The following ANKS1A variants were observed in gnomAD, a reference collection of about 807,000 sequenced individuals.
ANKS1A encodes the protein ankyrin repeat and SAM domain-containing protein 1A.
A neutral mutation model predicts 120.3 loss-of-function variants in ANKS1A; 55 were observed. The ratio of observed to expected loss-of-function variants is 0.46; its 90% CI spans 0.37 to 0.57. ANKS1A has a LOEUF of 0.57. Among genes scored for constraint, ANKS1A ranks in the 20% least tolerant of loss-of-function variants. The pLI is 0.00. For synonymous variants in ANKS1A, 590 were observed against 604.7 expected (o/e 0.98, Z 0.36); for missense variants, 1,123 against 1,480.3 (o/e 0.76, Z 3.96).
At chr6:34,893,251 G>A (rs1420706403) in intron 1 of ANKS1A, among the ~76,000 whole-genome samples, 1 of 152,104 alleles carries the variant, frequency 6.6e-6, no homozygotes, top group Non-Finnish European at 1.5e-5. Flanking sequence ...CAGCACATAC[G>A]GTTTTGCTGT....
At chr6:34,895,970 T>G (rs1277754013) in intron 1 of ANKS1A, among the ~76,000 whole-genome samples, 3 of 151,740 alleles carry the variant, frequency 2.0e-5, no homozygotes, top group African/African-American at 7.3e-5. Context: ...TTCACTGTGT[T>G]GCCCAGGCTG....
intron 1 of ANKS1A, among the ~76,000 whole-genome samples, chr6:34,909,171 C>A (rs1041381570): frequency 2.6e-5 from 4 of 152,112 alleles, no homozygotes; most frequent in African/African-American, 9.7e-5. Context: ...CACCGTACAC[C>A]CATGTTCATG....
intron 11 of ANKS1A, among the ~76,000 whole-genome samples, chr6:35,051,843 A>T (rs1030988588): frequency 1.3e-5 from 2 of 152,266 alleles, no homozygotes; most frequent in African/African-American, 4.8e-5. Flanking sequence ...AACTTTAAAA[A>T]TAGGTTTTAC....
At chr6:34,961,762 G>A (rs940392219) in intron 1 of ANKS1A, among the ~76,000 whole-genome samples, 1 of 152,178 alleles carries the variant, frequency 6.6e-6, no homozygotes, top group African/African-American at 2.4e-5. Flanking sequence ...TGATAGGCCC[G>A]CACTCTCAGC....
At position 34,982,802 on chromosome 6, in the gene ANKS1A, T is replaced by A. The variant is rs1474420958; in HGVS notation, c.783T>A (p.Asp261Glu). ...LHEAALFGKTDVVQILLAAGT... is the reference protein window; with the variant it reads ...LHEAALFGKTEVVQILLAAGT... ...AGGCTGCTTTGTTTGGCAAGACCGATGTGGTGCAAATCCTGCTGGCTGCAG... is the reference window on the plus strand; with the variant it reads ...AGGCTGCTTTGTTTGGCAAGACCGAAGTGGTGCAAATCCTGCTGGCTGCAG... The change falls in exon 5 of 24, where the codon GAT becomes GAA. Residue 261 changes from aspartate to glutamate, a missense_variant. This residue lies in a region of ANKS1A where 146 missense variants were observed against 267.8 expected (regional missense o/e 0.55). Coordinates refer to ENST00000360359, the MANE Select transcript of ANKS1A (RefSeq NM_015245.3). This position sits in a 1 kb window ranked among gnomAD's most constrained non-coding sequence, Gnocchi z 4.9. 6.2e-7 allele frequency: 1 copy of A among 1,614,096 alleles called. No homozygotes were observed. The highest frequency in any genetic ancestry group is 8.5e-7 in the Non-Finnish European group (1 of 1,180,052).
intron 9 of ANKS1A, among the ~76,000 whole-genome samples, chr6:34,991,661 CATATATAT>C (rs1309983468): frequency 1.0e-5 from 1 of 98,070 alleles, no homozygotes; most frequent in Non-Finnish European, 2.6e-5. Flanking sequence ...TATATATACA[CATATATAT>C]ACACATATAT....
At chr6:34,910,342 A>T (rs1232002147) in intron 1 of ANKS1A, among the ~76,000 whole-genome samples, 3 of 152,080 alleles carry the variant, frequency 2.0e-5, no homozygotes, top group Non-Finnish European at 2.9e-5. Context: ...AGGCGAGAGG[A>T]TTGCTCGAGC....
intron 1 of ANKS1A, among the ~76,000 whole-genome samples, chr6:34,908,486 T>C (rs1767746713): frequency 6.6e-6 from 1 of 152,214 alleles, no homozygotes; most frequent in South Asian, 2.1e-4. Flanking sequence ...TAGGCCACTT[T>C]ATCTCTAAGT....
chr6:34,890,736 C>T (rs985417641), intron 1 of ANKS1A, among the ~76,000 whole-genome samples: 2 of 152,168 alleles, frequency 1.3e-5, no homozygotes, highest in Non-Finnish European at 2.9e-5. Context: ...AGTTCAGCAG[C>T]GCTTTCATAG....
rs182665436 is a variant in ANKS1A at position 35,057,041 on chromosome 6, G to A, written c.2077+2876G>A. Among the ~76,000 whole-genome samples the A allele has an allele frequency of 2.6e-5, 4 of 152,166 alleles. No homozygotes were observed. The East Asian group carries it at 7.8e-4, about 30-fold the overall frequency. On this transcript the variant is annotated intron_variant, in intron 12 of 23. Coordinates refer to ENST00000360359, the MANE Select transcript of ANKS1A (RefSeq NM_015245.3). The surrounding 1 kb of genome is among the most constrained non-coding windows in gnomAD (Gnocchi z 4.1). ...AAGATCTGGGCTCTGGGGTTAGTCT[G>A]GGTAGAGGAGGAGCAGGCCCTCCAG...
rs1261332513 is a variant in ANKS1A, at chr6:34,889,853, C to G, written c.197+254C>G. 6.6e-6 allele frequency among the ~76,000 whole-genome samples: 1 copy of G among 152,120 alleles called. No individual in the cohort carries two copies. Among genetic ancestry groups the G allele is most frequent in the Non-Finnish European group, 1.5e-5 (1 of 68,028 alleles). On this transcript the variant is annotated intron_variant, in intron 1 of 23. Coordinates refer to ENST00000360359, the MANE Select transcript of ANKS1A (RefSeq NM_015245.3). The surrounding 1 kb of genome is among the most constrained non-coding windows in gnomAD (Gnocchi z 5.5). The stretch of plus-strand genomic sequence containing the variant: ...GTGGGAGTGCCCAGGTGGCAGCCTC[C>G]GCCGCATGGCACAGCCAGGGTTCAC...
intron 1 of ANKS1A, among the ~76,000 whole-genome samples, chr6:34,926,087 T>C (rs942551125): frequency 2.0e-5 from 3 of 152,210 alleles, no homozygotes; most frequent in South Asian, 2.1e-4. Context: ...CCTAGGCCAA[T>C]GTGAAGTAAA....
At position 35,057,913 on chromosome 6, in the gene ANKS1A, T is replaced by C. The variant is rs1004640691; in HGVS notation, c.2078-2234T>C. ...TGTCCTGGAAACTGTCGAACAAAGCTCTAGGAGCAGTCCCTCTCTATTCTT... is the reference window on the plus strand; with the variant it reads ...TGTCCTGGAAACTGTCGAACAAAGCCCTAGGAGCAGTCCCTCTCTATTCTT... On this transcript the variant is annotated intron_variant, in intron 12 of 23. Coordinates refer to ENST00000360359, the MANE Select transcript of ANKS1A (RefSeq NM_015245.3). This position sits in a 1 kb window ranked among gnomAD's most constrained non-coding sequence, Gnocchi z 4.1. Among the ~76,000 whole-genome samples, 1 of 152,168 alleles carries C rather than the reference T, an allele frequency of 6.6e-6. No homozygotes were observed. Among genetic ancestry groups the C allele is most frequent in the Admixed American group, 6.5e-5 (1 of 15,280 alleles).
At chr6:34,907,904 G>A (rs1325014344) in intron 1 of ANKS1A, among the ~76,000 whole-genome samples, 2 of 152,080 alleles carry the variant, frequency 1.3e-5, no homozygotes, top group African/African-American at 4.8e-5. Context: ...ACTTAGAATA[G>A]TGGCAAGCCA....
rs371530746 is a variant in ANKS1A at position 34,976,211 on chromosome 6, A to G, written c.436-5479A>G. ...GTCCTGATTCAGTGGATTTTTATAGATCTGGCTTATGTCTAGGAATTGTTT... is the reference window on the plus strand; with the variant it reads ...GTCCTGATTCAGTGGATTTTTATAGGTCTGGCTTATGTCTAGGAATTGTTT... On this transcript the variant is annotated intron_variant, in intron 3 of 23. Coordinates refer to ENST00000360359, the MANE Select transcript of ANKS1A (RefSeq NM_015245.3). Among the ~76,000 whole-genome samples the G allele has an allele frequency of 1.3e-4, 19 of 151,410 alleles. 1 individual carries two copies. In the South Asian group the frequency reaches 3.3e-3, roughly 27 times the overall value.
At chr6:34,987,933 C>G (rs1465460377) in intron 8 of ANKS1A, among the ~76,000 whole-genome samples, 1 of 152,218 alleles carries the variant, frequency 6.6e-6, no homozygotes, top group African/African-American at 2.4e-5. Flanking sequence ...AGTCGGAACA[C>G]TGATTCTCAA....
At chr6:34,992,084 A>T (rs932954286) in intron 9 of ANKS1A, among the ~76,000 whole-genome samples, 7 of 152,146 alleles carry the variant, frequency 4.6e-5, no homozygotes, top group African/African-American at 1.7e-4. Flanking sequence ...GAGCAATTGG[A>T]TGAAGAAAAA....
chr6:35,032,095 G>A (rs1445063674), intron 11 of ANKS1A, among the ~76,000 whole-genome samples: 1 of 152,202 alleles, frequency 6.6e-6, no homozygotes, highest in Non-Finnish European at 1.5e-5. Context: ...GACCCTAAAG[G>A]GAGAGATAGA....
intron 11 of ANKS1A, among the ~76,000 whole-genome samples, chr6:35,039,192 CTTTTTT>C (rs35565672): frequency 3.6e-5 from 3 of 83,788 alleles, no homozygotes; most frequent in Admixed American, 3.2e-4. Context: ...CTCCCTCATA[CTTTTTT>C]TTTTTTTTTT....
Sources: gnomAD v4.1 joint callset for allele counts (sites outside exome capture counted in the v4.1 genomes callset) on GRCh38, gnomAD v4.1.1 for gene constraint, gnomAD v4.1.1 regional missense constraint, Gnocchi (gnomAD v3.1) non-coding constraint, MANE v1.5 for transcripts, NCBI Gene and HGNC (gene_info 2026-07-23, HGNC 2026-07-21) for gene names.